Variants in MYH11 observed in about 807,000 individuals in gnomAD.
The protein encoded by MYH11 is myosin-11.
A neutral mutation model predicts 246.6 loss-of-function variants in MYH11; 80 were observed. That is an observed-to-expected ratio of 0.32 (90% CI 0.27 to 0.39). The LOEUF is 0.39. MYH11 is among the 10% of genes least tolerant of loss of function. MYH11 has a pLI of 1.00. For missense variants in MYH11, 2,158 were observed against 2,546.8 expected (o/e 0.85, Z 3.29); for synonymous variants, 1,071 against 1,015.5 (o/e 1.05, Z -1.04).
chr16:15,712,242 A>G (rs2039843032), intron 40 of MYH11, among the ~76,000 whole-genome samples: 1 of 152,132 alleles, frequency 6.6e-6, no homozygotes, highest in Non-Finnish European at 1.5e-5. Flanking sequence ...GGGTGGTCTG[A>G]GGTTCTAGGA....
chr16:15,798,614 A>G (rs1168700788), intron 4 of MYH11, 46 bp downstream of exon 4: 5 of 1,533,482 alleles, frequency 3.3e-6, no homozygotes, highest in Non-Finnish European at 4.4e-6. Context: ...AGATTAAAAA[A>G]AAAAAAAAAC....
intron 23 of MYH11, 109 bp from the exon 24 acceptor site, chr16:15,738,797 A>G (rs2041194827): frequency 1.6e-6 from 2 of 1,286,598 alleles, no homozygotes; most frequent in Non-Finnish European, 2.2e-6. Flanking sequence ...AACCCACATT[A>G]TAACAAAATA....
At chr16:15,719,111 GAATGA>G (rs2040326950) in intron 36 of MYH11, 104 bp downstream of exon 36, 1 of 1,096,390 alleles carries the variant, frequency 9.1e-7, no homozygotes, top group Admixed American at 2.0e-5. Context: ...CTGGGTGACA[GAATGA>G]AACTCTGTCT....
intron 9 of MYH11, among the ~76,000 whole-genome samples, chr16:15,764,482 C>CAA (rs59588895): frequency 4.1e-5 from 6 of 145,826 alleles, no homozygotes; most frequent in Admixed American, 2.7e-4. Flanking sequence ...GTCTCTAAAA[C>CAA]AAAAAAAAAA....
chr16:15,770,643 GA>G (rs1200387770), intron 9 of MYH11, among the ~76,000 whole-genome samples: 2 of 152,056 alleles, frequency 1.3e-5, no homozygotes, highest in Non-Finnish European at 2.9e-5. Context: ...TGTTCCTGAT[GA>G]GGCCAACATC....
Position 15,750,676 on chromosome 16 carries a change from G to A in MYH11, c.1865-345C>T, listed in dbSNP as rs1327791767. On this transcript the variant is annotated intron_variant, in intron 15 of 40. Coordinates refer to ENST00000300036, the MANE Select transcript of MYH11 (RefSeq NM_002474.3). This position sits in a 1 kb window ranked among gnomAD's most constrained non-coding sequence, Gnocchi z 4.3. ...ATAATACCGTCTACCTTCTAGGGCA[G>A]GGGTAAAAAAAAATAAGGCACAGAA... is the stretch of plus-strand genomic sequence containing the variant. Among the ~76,000 whole-genome samples the A allele has an allele frequency of 6.6e-6, 1 of 151,958 alleles. No individual in the cohort carries two copies. Among genetic ancestry groups the A allele is most frequent in the Non-Finnish European group, 1.5e-5 (1 of 68,008 alleles).
rs2151157929 is a variant in MYH11 at position 15,703,144 on chromosome 16, ATAACCATT to A, written c.*839_*846del. 1 of 185,902 alleles carries A rather than the reference ATAACCATT, an allele frequency of 5.4e-6. No individual in the cohort carries two copies. The highest frequency in any genetic ancestry group is 8.7e-5 in the East Asian group (1 of 11,540). 11.5% of individuals were successfully genotyped at this position (185,902 alleles called of 1,614,324 possible). A position where few individuals can be genotyped will look rare whatever the true frequency, so the allele number is the denominator to read the frequency against. ...AGAAAAGCCAACGACATTGTGATTTATAACCATTTATTAGTGAAAGTGTTTTTAAGCAC... is the reference window on the plus strand; with the variant it reads ...AGAAAAGCCAACGACATTGTGATTTATATTAGTGAAAGTGTTTTTAAGCAC... On this transcript the variant is annotated 3_prime_UTR_variant, in exon 41 of 41. Transcript: ENST00000300036.
intron 20 of MYH11, chr16:15,742,245 A>G: frequency 2.7e-6 from 1 of 377,312 alleles, no homozygotes; most frequent in Non-Finnish European, 5.0e-6. Flanking sequence ...CTTTAGAACC[A>G]TCCCAACAGA....
chr16:15,840,474 G>A (rs1304240895), intron 1 of MYH11, among the ~76,000 whole-genome samples: 1 of 152,182 alleles, frequency 6.6e-6, no homozygotes, highest in Admixed American at 6.5e-5. Flanking sequence ...GCTCACACCT[G>A]TAATCCCAGC....
chr16:15,721,900 C>T (rs370660846), intron 31 of MYH11, among the ~76,000 whole-genome samples: 19 of 152,216 alleles, frequency 1.2e-4, no homozygotes, highest in African/African-American at 4.6e-4. Flanking sequence ...CTTTGTCACC[C>T]AGGCTGGAGT....
intron 20 of MYH11, chr16:15,742,194 GA>G: frequency 2.0e-6 from 1 of 495,778 alleles, no homozygotes; most frequent in South Asian, 2.1e-5. Flanking sequence ...CAGAGCACCA[GA>G]AAAGGTACAA....
intron 9 of MYH11, among the ~76,000 whole-genome samples, chr16:15,767,042 G>A (rs1290461539): frequency 1.3e-5 from 2 of 152,126 alleles, no homozygotes; most frequent in African/African-American, 4.8e-5. Flanking sequence ...AGATACACAT[G>A]GGGAGGGAGG....
rs1282852123 is a variant in MYH11 at position 15,747,674 on chromosome 16, G to A, written c.2307C>T (p.Phe769=). 1.2e-6 allele frequency: 2 copies of A among 1,614,156 alleles called. No individual in the cohort carries two copies. The part of the protein sequence containing the change: ...NLYRIGQSKI[F]FRTGVLAHLE... ...GGTGGGCCAGGACGCCAGTTCGGAA[G>A]AAGATTTTGCTCTGCCCTATCCTGT... The change falls in exon 19 of 41, where the codon TTC becomes TTT. Residue 769 remains phenylalanine (F), a synonymous_variant. Transcript: ENST00000300036.
intron 2 of MYH11, among the ~76,000 whole-genome samples, chr16:15,831,470 T>TGTGTGTGC (rs1361318302): frequency 6.7e-6 from 1 of 150,198 alleles, no homozygotes; most frequent in Non-Finnish European, 1.5e-5. Context: ...TTGGGGTGTG[T>TGTGTGTGC]GTGTGTGTGT....
chr16:15,711,629 G>T (rs1596684601), intron 40 of MYH11, among the ~76,000 whole-genome samples: 3 of 152,304 alleles, frequency 2.0e-5, no homozygotes, highest in African/African-American at 7.2e-5. Flanking sequence ...GTATGAGAAT[G>T]AAGCGGGGAA....
intron 3 of MYH11, among the ~76,000 whole-genome samples, chr16:15,818,376 G>A (rs540846681): frequency 4.6e-4 from 70 of 152,108 alleles, no homozygotes; most frequent in African/African-American, 1.4e-3. Flanking sequence ...GCAGGTGAAC[G>A]GAATTCTTCC....
At chr16:15,747,974 T>G (rs752970257) in intron 17 of MYH11, 31 bp from the exon 18 acceptor site, 2 of 1,613,966 alleles carry the variant, frequency 1.2e-6, no homozygotes, top group South Asian at 2.2e-5. Flanking sequence ...TCACCCCGGG[T>G]ACCTCCAGCA....
intron 40 of MYH11, among the ~76,000 whole-genome samples, chr16:15,706,833 T>G (rs2039482959): frequency 6.6e-6 from 1 of 152,168 alleles, no homozygotes; most frequent in South Asian, 2.1e-4. Context: ...AATGGATAAA[T>G]TTGCTCCCTT....
At chr16:15,722,516 C>G (rs968626735) in intron 31 of MYH11, among the ~76,000 whole-genome samples, 12 of 152,230 alleles carry the variant, frequency 7.9e-5, no homozygotes, top group Admixed American at 5.2e-4. Flanking sequence ...AAATCCCACA[C>G]TATGTGTGCC....
Sources: gnomAD v4.1 joint callset for allele counts (sites outside exome capture counted in the v4.1 genomes callset) on GRCh38, gnomAD v4.1.1 for gene constraint, Gnocchi (gnomAD v3.1) non-coding constraint, MANE v1.5 for transcripts, NCBI Gene and HGNC (gene_info 2026-07-23, HGNC 2026-07-21) for gene names.